Variants in PCDH15 observed in about 807,000 individuals in gnomAD.
PCDH15 encodes protocadherin related 15.
Under a neutral mutation model 178.5 loss-of-function variants are expected in PCDH15, and 129 were observed. That is an observed-to-expected ratio of 0.72 (90% confidence interval 0.63 to 0.84). The LOEUF (loss-of-function observed/expected upper bound fraction) is 0.84. PCDH15 is among the 40% of genes least tolerant of loss of function. The pLI is 0.00. For synonymous variants in PCDH15, 800 were observed against 732.0 expected, an observed-to-expected ratio of 1.09 and a Z score of -1.50; for missense variants, 2,230 against 2,099.9, an observed-to-expected ratio of 1.06 and a Z score of -1.21.
At chr10:54,379,331 G>A (rs1348606653) in intron 3 of PCDH15, among the ~76,000 whole-genome samples, 1 of 151,994 alleles carries the variant, frequency 6.6e-6, no homozygotes, top group Non-Finnish European at 1.5e-5. Flanking sequence ...GACCTCTGAT[G>A]TGAAAAAAAG....
intron 3 of PCDH15, among the ~76,000 whole-genome samples, chr10:54,813,948 T>C (rs1952908032): frequency 6.6e-6 from 1 of 152,198 alleles, no homozygotes; most frequent in Admixed American, 6.5e-5. Flanking sequence ...CTGAACACTA[T>C]TTAATTAATA....
chr10:54,008,817 C>T (rs1459105919), intron 20 of PCDH15, among the ~76,000 whole-genome samples: 1 of 152,030 alleles, frequency 6.6e-6, no homozygotes, highest in Non-Finnish European at 1.5e-5. Context: ...TATGAGTAGA[C>T]AAGAGTAAAC....
At chr10:54,674,647 T>C (rs1027001778) in intron 1 of PCDH15, among the ~76,000 whole-genome samples, 2 of 152,116 alleles carry the variant, frequency 1.3e-5, no homozygotes. Context: ...GAAAAATAAC[T>C]AATTGTGTAG....
At chr10:55,505,843 T>C (rs960526306) in intron 2 of PCDH15, among the ~76,000 whole-genome samples, 1 of 151,444 alleles carries the variant, frequency 6.6e-6, no homozygotes, top group Non-Finnish European at 1.5e-5. Flanking sequence ...AATTCTGTCC[T>C]GTAGGAAGAC....
chr10:55,296,014 TACTTTGCTGTAATG>T (rs1843122514), intron 1 of PCDH15, among the ~76,000 whole-genome samples: 1 of 152,210 alleles, frequency 6.6e-6, no homozygotes, highest in South Asian at 2.1e-4. Flanking sequence ...TTAGATCTTA[TACTTTGCTGTAATG>T]ACTCACGATT....
At chr10:54,888,719 G>A (rs1202329526) in intron 3 of PCDH15, among the ~76,000 whole-genome samples, 2 of 145,328 alleles carry the variant, frequency 1.4e-5, no homozygotes. Flanking sequence ...CCTTAATGAT[G>A]TTCAGCACAT....
intron 26 of PCDH15, among the ~76,000 whole-genome samples, chr10:53,888,277 C>A (rs2081239930): frequency 2.4e-5 from 1 of 42,488 alleles, no homozygotes; most frequent in African/African-American, 1.5e-4. Flanking sequence ...ATAAACATTC[C>A]AACACTATAT....
chr10:55,557,580 T>G (rs779656304), intron 2 of PCDH15, among the ~76,000 whole-genome samples: 2 of 152,152 alleles, frequency 1.3e-5, no homozygotes, highest in Non-Finnish European at 2.9e-5. Flanking sequence ...CTATGGCTTT[T>G]GCCTCATCTC....
chr10:54,483,479 T>C (rs2078867907), intron 3 of PCDH15, among the ~76,000 whole-genome samples: 1 of 151,888 alleles, frequency 6.6e-6, no homozygotes, highest in Non-Finnish European at 1.5e-5. Flanking sequence ...CATTAGATAA[T>C]GTCAGCTCCT....
At chr10:55,192,701 T>A (rs1839974252) in intron 1 of PCDH15, among the ~76,000 whole-genome samples, 1 of 151,424 alleles carries the variant, frequency 6.6e-6, no homozygotes, top group Non-Finnish European at 1.5e-5. Flanking sequence ...AAATAAATTC[T>A]GAGTTTCATA....
intron 2 of PCDH15, among the ~76,000 whole-genome samples, chr10:54,610,445 A>G (rs969872514): frequency 1.3e-5 from 2 of 151,936 alleles, no homozygotes; most frequent in African/African-American, 4.8e-5. Context: ...CTCAATTTCA[A>G]GAGGTTAACT....
intron 2 of PCDH15, among the ~76,000 whole-genome samples, chr10:54,905,462 T>G (rs1008808345): frequency 7.2e-5 from 11 of 152,140 alleles, no homozygotes; most frequent in Non-Finnish European, 1.5e-4. Context: ...AATAGAATCA[T>G]GCATTTATGA....
At position 54,486,811 on chromosome 10, in the gene PCDH15, G is replaced by C. The variant is rs963236180; in HGVS notation, c.157+41001C>G. Among the ~76,000 whole-genome samples the C allele has an allele frequency of 2.0e-5, 3 of 151,830 alleles. No homozygotes were observed. In the Admixed American group the frequency reaches 2.0e-4, roughly 10 times the overall value. ...CAGAAAGCATCTTTGGGGGAACAGG[G>C]GCTTGCCCTTTTCTTCTTCTCTCCA... On this transcript the variant is annotated intron_variant, in intron 3 of 37. Coordinates refer to ENST00000644397, the MANE Select transcript of PCDH15 (RefSeq NM_001384140.1).
chr10:55,586,905 G>A (rs1842736651), intron 2 of PCDH15, among the ~76,000 whole-genome samples: 1 of 152,076 alleles, frequency 6.6e-6, no homozygotes, highest in Non-Finnish European at 1.5e-5. Context: ...CCTATTGAAT[G>A]AAGGATGTTA....
At chr10:53,832,740 C>G (rs2077084997) in intron 29 of PCDH15, among the ~76,000 whole-genome samples, 1 of 151,830 alleles carries the variant, frequency 6.6e-6, no homozygotes, top group South Asian at 2.1e-4. Flanking sequence ...TGCTTGTGTA[C>G]TTTTTTCAGT....
intron 2 of PCDH15, among the ~76,000 whole-genome samples, chr10:54,626,175 C>T (rs79566818): frequency 0.03 from 4,568 of 152,150 alleles, 217 homozygotes; most frequent in African/African-American, 0.099. Flanking sequence ...TTCAGCTTTA[C>T]AAAGGAGGCA....
chr10:55,482,616 T>C (rs549106638), intron 2 of PCDH15, among the ~76,000 whole-genome samples: 1 of 151,890 alleles, frequency 6.6e-6, no homozygotes, highest in African/African-American at 2.4e-5. Context: ...ATTGGAATTT[T>C]TTTCCTTTAA....
At chr10:55,252,344 C>T (rs1031026138) in intron 1 of PCDH15, among the ~76,000 whole-genome samples, 1 of 151,992 alleles carries the variant, frequency 6.6e-6, no homozygotes, top group African/African-American at 2.4e-5. Flanking sequence ...TAAATCAATA[C>T]CTGCTATGTC....
chr10:53,821,050 A>C (rs887338169), intron 32 of PCDH15: 1 of 929,686 alleles, frequency 1.1e-6, no homozygotes, highest in African/African-American at 1.8e-5. Flanking sequence ...AACAAAATTA[A>C]ACAGCACTTT....
Sources: gnomAD v4.1 joint callset for allele counts (sites outside exome capture counted in the v4.1 genomes callset) on GRCh38, gnomAD v4.1.1 for gene constraint, MANE v1.5 for transcripts, NCBI Gene and HGNC (gene_info 2026-07-23, HGNC 2026-07-21) for gene names.